FAM117B: variants seen among roughly 807,000 people sequenced by gnomAD.
FAM117B encodes the protein family with sequence similarity 117 member B.
FAM117B carries 22 observed loss-of-function variants against 52.8 expected under a neutral mutation model. The observed-to-expected ratio is 0.42, with a 90% confidence interval of 0.30 to 0.59. The LOEUF is 0.59. Ranked by LOEUF, FAM117B falls within the 20% of genes least tolerant of loss-of-function variation. FAM117B has a pLI of 0.22. For synonymous variants in FAM117B, 309 were observed against 324.1 expected (o/e 0.95, Z 0.50); for missense variants, 678 against 802.6 (o/e 0.84, Z 1.88).
intron 1 of FAM117B, among the ~76,000 whole-genome samples, chr2:202,683,930 G>A (rs954497297): frequency 6.6e-6 from 1 of 151,738 alleles, no homozygotes; most frequent in Non-Finnish European, 1.5e-5. Context: ...GCAGTGGCGC[G>A]ATCATGGCTC....
chr2:202,660,834 C>G (rs986155352), intron 1 of FAM117B, among the ~76,000 whole-genome samples: 1 of 152,202 alleles, frequency 6.6e-6, no homozygotes. Context: ...GAAGGATTCT[C>G]TCAGTTTTAG....
At chr2:202,737,969 T>C (rs933379824) in intron 4 of FAM117B, among the ~76,000 whole-genome samples, 1 of 152,214 alleles carries the variant, frequency 6.6e-6, no homozygotes, top group African/African-American at 2.4e-5. Context: ...GCTATTGATA[T>C]TAAATTCTTG....
At chr2:202,646,346 CTGATTAAA>C (rs1441974363) in intron 1 of FAM117B, among the ~76,000 whole-genome samples, 1 of 152,228 alleles carries the variant, frequency 6.6e-6, no homozygotes, top group African/African-American at 2.4e-5. Context: ...CATTAAAATG[CTGATTAAA>C]TGTTTTCTGT....
At chr2:202,740,831 C>G (rs745836292) in intron 4 of FAM117B, among the ~76,000 whole-genome samples, 3 of 151,566 alleles carry the variant, frequency 2.0e-5, no homozygotes, top group Non-Finnish European at 2.9e-5. Flanking sequence ...TCTCTAGTTA[C>G]AAAAAGAATC....
intron 1 of FAM117B, among the ~76,000 whole-genome samples, chr2:202,670,535 GC>G (rs1271474002): frequency 6.6e-6 from 1 of 152,020 alleles, no homozygotes; most frequent in Non-Finnish European, 1.5e-5. Context: ...AAGTGATCCT[GC>G]CTCAGCCTCC....
chr2:202,690,484 C>T lies in FAM117B; in HGVS notation c.602-5397C>T, dbSNP rs78669863. Among the ~76,000 whole-genome samples, 1,295 of 152,208 alleles carry T rather than the reference C, an allele frequency of 8.5e-3. 25 individuals are homozygous for T. Among genetic ancestry groups the T allele is most frequent in the African/African-American group, 0.029 (1,222 of 41,524 alleles). ...TCCCCTGCAGAATCATGCTCTGTACCGGAACACAGGAACAGTCAGGAACCT... is the reference window on the plus strand; with the variant it reads ...TCCCCTGCAGAATCATGCTCTGTACTGGAACACAGGAACAGTCAGGAACCT... On this transcript the variant is annotated intron_variant, in intron 1 of 7. Coordinates refer to ENST00000392238, the MANE Select transcript of FAM117B (RefSeq NM_173511.4).
chr2:202,708,325 C>G (rs777078608), intron 2 of FAM117B, among the ~76,000 whole-genome samples: 10 of 152,058 alleles, frequency 6.6e-5, no homozygotes, highest in Admixed American at 3.3e-4. Flanking sequence ...CAGTATTTGT[C>G]TTTTTGTGGC....
At chr2:202,743,317 G>A (rs550152480) in intron 4 of FAM117B, among the ~76,000 whole-genome samples, 46 of 151,984 alleles carry the variant, frequency 3.0e-4, no homozygotes, top group African/African-American at 1.1e-3. Flanking sequence ...ATCATATAGA[G>A]ACTACACTAC....
chr2:202,723,008 T>C (rs937290383), intron 2 of FAM117B, among the ~76,000 whole-genome samples: 1 of 152,186 alleles, frequency 6.6e-6, no homozygotes, highest in African/African-American at 2.4e-5. Context: ...TGAGAAATTA[T>C]AAGTACAGTA....
At chr2:202,678,342 G>A (rs1469464977) in intron 1 of FAM117B, among the ~76,000 whole-genome samples, 1 of 152,170 alleles carries the variant, frequency 6.6e-6, no homozygotes, top group Non-Finnish European at 1.5e-5. Flanking sequence ...GGAGGAGGTG[G>A]TGTTTGATTT....
intron 2 of FAM117B, among the ~76,000 whole-genome samples, chr2:202,718,459 A>G (rs1274693798): frequency 1.3e-5 from 2 of 152,140 alleles, no homozygotes; most frequent in Admixed American, 6.5e-5. Context: ...TGAAATGATC[A>G]TATAATGCTG....
At chr2:202,710,730 C>G (rs1559107240) in intron 2 of FAM117B, among the ~76,000 whole-genome samples, 1 of 152,062 alleles carries the variant, frequency 6.6e-6, no homozygotes, top group Non-Finnish European at 1.5e-5. Context: ...CCTTCTCAGC[C>G]TCTGATAACC....
chr2:202,646,147 C>T (rs886604567), intron 1 of FAM117B, among the ~76,000 whole-genome samples: 1 of 151,930 alleles, frequency 6.6e-6, no homozygotes. Context: ...CCACCTCAGC[C>T]CCCTGAGTAG....
chr2:202,669,341 T>A (rs1690256168), intron 1 of FAM117B, among the ~76,000 whole-genome samples: 1 of 152,186 alleles, frequency 6.6e-6, no homozygotes, highest in Admixed American at 6.5e-5. Flanking sequence ...TCATATGGTA[T>A]CAGTGTGGGT....
At chr2:202,754,499 A>C (rs1691770659) in intron 4 of FAM117B, among the ~76,000 whole-genome samples, 1 of 152,090 alleles carries the variant, frequency 6.6e-6, no homozygotes, top group Admixed American at 6.6e-5. Context: ...TTTAAGAAGA[A>C]ACAAAAACAA....
At chr2:202,695,353 T>C (rs886693517) in intron 1 of FAM117B, among the ~76,000 whole-genome samples, 6 of 152,184 alleles carry the variant, frequency 3.9e-5, no homozygotes, top group Non-Finnish European at 7.3e-5. Context: ...TTATATGTTA[T>C]AAATTGCGCC....
intron 1 of FAM117B, among the ~76,000 whole-genome samples, chr2:202,640,513 ATCTTTGATGTC>A (rs996429573): frequency 1.3e-4 from 19 of 151,476 alleles, no homozygotes; most frequent in Admixed American, 6.6e-4. Flanking sequence ...TATTTGTGTC[ATCTTTGATGTC>A]TACTTTCTAG....
chr2:202,748,994 A>G (rs908684084), intron 4 of FAM117B, among the ~76,000 whole-genome samples: 2 of 152,190 alleles, frequency 1.3e-5, no homozygotes, highest in South Asian at 2.1e-4. Context: ...GTATTCTACA[A>G]TATAAAAACT....
intron 2 of FAM117B, among the ~76,000 whole-genome samples, chr2:202,707,250 A>G (rs1188483856): frequency 2.0e-5 from 3 of 149,172 alleles, no homozygotes; most frequent in South Asian, 2.1e-4. Context: ...GGGCCTTACT[A>G]TGTTGCCCAG....
Sources: allele counts gnomAD v4.1 joint callset (sites outside exome capture counted in the v4.1 genomes callset), GRCh38; gene constraint gnomAD v4.1.1; transcripts MANE v1.5; gene names NCBI Gene and HGNC (gene_info 2026-07-23, HGNC 2026-07-21).